The following ZFP64 variants were observed in gnomAD, a reference collection of about 807,000 sequenced individuals.
The protein encoded by ZFP64 is ZFP64 zinc finger protein.
ZFP64 carries 14 observed loss-of-function variants against 51.6 expected under a neutral mutation model. That is an observed-to-expected ratio of 0.27 (90% CI 0.18 to 0.42). The LOEUF is 0.42. ZFP64 is among the 10% of genes least tolerant of loss of function. The pLI is 1.00. For missense variants in ZFP64, 754 were observed against 906.8 expected (o/e 0.83, Z 2.16); for synonymous variants, 375 against 361.4 (o/e 1.04, Z -0.43).
chr20:52,189,883 C>A (rs989201946), intron 1 of ZFP64, among the ~76,000 whole-genome samples: 10 of 152,150 alleles, frequency 6.6e-5, no homozygotes, highest in Non-Finnish European at 1.2e-4. Flanking sequence ...GCGTCATAAT[C>A]TTCTCAGCAA....
intron 4 of ZFP64, among the ~76,000 whole-genome samples, chr20:52,162,375 C>T (rs1234447514): frequency 6.6e-6 from 1 of 151,644 alleles, no homozygotes; most frequent in African/African-American, 2.4e-5. Context: ...ATCTGTAATC[C>T]CAGCACTTTG....
chr20:52,190,120 C>G (rs1301083559), intron 1 of ZFP64, among the ~76,000 whole-genome samples: 2 of 152,148 alleles, frequency 1.3e-5, no homozygotes, highest in Non-Finnish European at 2.9e-5. Flanking sequence ...TGTGATAAGC[C>G]ATCTTGCAGG....
Position 52,191,656 on chromosome 20 carries a change from CCCGGCCGGCCGG to C in ZFP64, c.-32_-21del. 3 of 1,577,394 alleles carry C rather than the reference CCCGGCCGGCCGG, an allele frequency of 1.9e-6. No individual in the cohort carries two copies. Among genetic ancestry groups the C allele is most frequent in the Non-Finnish European group, 1.7e-6 (2 of 1,165,464 alleles). On this transcript the variant is annotated 5_prime_UTR_variant, in exon 1 of 6. Transcript: ENST00000216923. This position sits in a 1 kb window ranked among gnomAD's most constrained non-coding sequence, Gnocchi z 4.3. ...GTTCATGGCCGCAGACTGGGAGGTC[CCCGGCCGGCCGG>C]GATGCCAAAGTGGGGGACGCTGATC...
chr20:52,181,922 CTGCT>C (rs1173202177), intron 2 of ZFP64, among the ~76,000 whole-genome samples: 5 of 152,292 alleles, frequency 3.3e-5, no homozygotes, highest in African/African-American at 1.2e-4. Context: ...AAGCAGAATT[CTGCT>C]TGTTTAGTTG....
At chr20:52,175,435 A>G (rs1983111303) in intron 2 of ZFP64, among the ~76,000 whole-genome samples, 1 of 152,276 alleles carries the variant, frequency 6.6e-6, no homozygotes. Flanking sequence ...ATATTATCAT[A>G]TATTCAGGTC....
intron 5 of ZFP64, among the ~76,000 whole-genome samples, chr20:52,125,609 G>A (rs539922731): frequency 2.6e-5 from 4 of 152,290 alleles, no homozygotes; most frequent in African/African-American, 4.8e-5. Context: ...CCTACGTTAC[G>A]TGGTTGTCCA....
chr20:52,149,635 G>T (rs920354778), downstream of ZFP64, among the ~76,000 whole-genome samples: 3 of 152,098 alleles, frequency 2.0e-5, no homozygotes, highest in African/African-American at 7.2e-5. Context: ...TTGTTGGCTT[G>T]GTGTTTGTAC....
At chr20:52,088,758 TGAGA>T (rs1257364099) in intron 7 of ZFP64, 11 of 1,347,948 alleles carry the variant, frequency 8.2e-6, no homozygotes, top group Non-Finnish European at 1.0e-5. Context: ...GTCCAAATAC[TGAGA>T]GAGAAAGATA....
intron 5 of ZFP64, chr20:52,110,798 T>G (rs1375944094): frequency 6.3e-7 from 1 of 1,594,220 alleles, no homozygotes; most frequent in Non-Finnish European, 8.6e-7. Flanking sequence ...TAGCTCTCTT[T>G]GAGCAGCTTG....
chr20:52,114,988 G>A (rs1223300831), intron 5 of ZFP64, among the ~76,000 whole-genome samples: 2 of 152,080 alleles, frequency 1.3e-5, no homozygotes, highest in African/African-American at 2.4e-5. Context: ...ACGAGGTCAG[G>A]AGATCAAGAC....
chr20:52,165,454 G>A (rs1000912971), intron 3 of ZFP64: 1 of 460,572 alleles, frequency 2.2e-6, no homozygotes. Flanking sequence ...TAACATTTGG[G>A]GAATCTAGAT....
intron 2 of ZFP64, chr20:52,175,861 G>GGCGCC: frequency 1.7e-5 from 4 of 238,644 alleles, no homozygotes; most frequent in Non-Finnish European, 2.4e-5. Context: ...CACCCCCGCT[G>GGCGCC]CCGCCCCCGC....
chr20:52,185,572 CT>C (rs750043740), intron 2 of ZFP64, among the ~76,000 whole-genome samples: 4 of 137,854 alleles, frequency 2.9e-5, no homozygotes, highest in African/African-American at 1.1e-4. Context: ...GACCTTTCCA[CT>C]TTGCACTTTT....
chr20:52,168,293 A>G (rs1444658214), intron 2 of ZFP64, among the ~76,000 whole-genome samples: 1 of 152,234 alleles, frequency 6.6e-6, no homozygotes, highest in African/African-American at 2.4e-5. Context: ...GTTTCCTGTT[A>G]TCATGCCAAG....
intron 7 of ZFP64, among the ~76,000 whole-genome samples, chr20:52,094,986 C>G (rs758101328): frequency 9.9e-5 from 15 of 152,180 alleles, no homozygotes; most frequent in African/African-American, 1.9e-4. Flanking sequence ...GACTGCTACT[C>G]TTCAATTTGA....
At chr20:52,098,491 G>A (rs2079015920) in exon 6 of ZFP64, 2 of 1,614,178 alleles carry the variant, frequency 1.2e-6, no homozygotes, top group East Asian at 2.2e-5. Context: ...TTGTTCCCTT[G>A]CCTCTGAGGG....
Position 52,152,123 on chromosome 20 carries a change from C to A in ZFP64, c.*23G>T, listed in dbSNP as rs373330290. On this transcript the variant is annotated 3_prime_UTR_variant, in exon 6 of 6. Transcript: ENST00000216923. ...TTTCTTTTTCTCAATTCCTTTCCCCCACTCCTTTTGTTTTTTTAAGCACTA... is the reference window on the plus strand; with the variant it reads ...TTTCTTTTTCTCAATTCCTTTCCCCAACTCCTTTTGTTTTTTTAAGCACTA... 2 of 1,580,258 alleles carry A rather than the reference C, an allele frequency of 1.3e-6. No individual in the cohort carries two copies. The highest frequency in any genetic ancestry group is 1.7e-6 in the Non-Finnish European group (2 of 1,160,158).
chr20:52,134,543 A>G (rs1979879217), intron 5 of ZFP64, among the ~76,000 whole-genome samples: 1 of 152,198 alleles, frequency 6.6e-6, no homozygotes. Flanking sequence ...CTTCTTTGCG[A>G]TGCTTTCAGG....
At chr20:52,092,699 T>C (rs980197019) in intron 7 of ZFP64, among the ~76,000 whole-genome samples, 2 of 152,010 alleles carry the variant, frequency 1.3e-5, no homozygotes, top group Non-Finnish European at 2.9e-5. Context: ...ACTGTAAAAA[T>C]ACAAAAATTA....
Sources: allele counts gnomAD v4.1 joint callset (sites outside exome capture counted in the v4.1 genomes callset), GRCh38; gene constraint gnomAD v4.1.1; non-coding constraint Gnocchi (gnomAD v3.1); transcripts MANE v1.5; gene names NCBI Gene and HGNC (gene_info 2026-07-23, HGNC 2026-07-21).